The following LPP variants were observed in gnomAD, a reference collection of about 807,000 sequenced individuals.
LPP encodes LIM domain containing preferred translocation partner in lipoma.
In LPP, 38 loss-of-function variants were observed where a neutral mutation model predicts 60.4. The ratio of observed to expected loss-of-function variants is 0.63; its 90% CI spans 0.49 to 0.83. LPP has a LOEUF of 0.83. Ranked by LOEUF, LPP falls within the 40% of genes least tolerant of loss-of-function variation. The probability of loss-of-function intolerance (pLI) is 0.00; values close to 1 mark genes in which losing one functional copy is unlikely to be tolerated. For missense variants in LPP, 902 were observed against 783.6 expected, an observed-to-expected ratio of 1.15 and a Z score of -1.80; for synonymous variants, 328 against 290.8, an observed-to-expected ratio of 1.13 and a Z score of -1.30.
At chr3:188,207,342 C>T (rs1265970963) in intron 1 of LPP, among the ~76,000 whole-genome samples, 5 of 151,518 alleles carry the variant, frequency 3.3e-5, no homozygotes, top group Admixed American at 2.0e-4. Flanking sequence ...AGCCATTCTC[C>T]TGCCTCAGCC....
chr3:188,600,795 C>A (rs1314826102), intron 6 of LPP, among the ~76,000 whole-genome samples: 1 of 152,000 alleles, frequency 6.6e-6, no homozygotes, highest in Non-Finnish European at 1.5e-5. Flanking sequence ...ATATGTAGAA[C>A]CATATGGTAT....
At position 188,306,795 on chromosome 3, in the gene LPP, CTT is replaced by C. The variant is rs1474531961; in HGVS notation, c.-66-34866_-66-34865del. On this transcript the variant is annotated intron_variant, in intron 2 of 11. Transcript: ENST00000617246. ...TCATTGCCAGATTTTTATGTAAACT[CTT>C]TGGTTTTTAAAATGTTGGCAGCTCA... is the stretch of plus-strand genomic sequence containing the variant. Among the ~76,000 whole-genome samples the C allele has an allele frequency of 4.6e-5, 7 of 152,162 alleles. No individual in the cohort carries two copies. In the South Asian group the frequency reaches 1.0e-3, roughly 22 times the overall value.
intron 8 of LPP, among the ~76,000 whole-genome samples, chr3:188,749,376 A>G (rs1464693521): frequency 6.6e-6 from 1 of 152,120 alleles, no homozygotes; most frequent in African/African-American, 2.4e-5. Flanking sequence ...TTTGTTATAG[A>G]GTCTGTAAAT....
chr3:188,664,653 G>T (rs1449890472), intron 7 of LPP, among the ~76,000 whole-genome samples: 1 of 151,784 alleles, frequency 6.6e-6, no homozygotes, highest in Non-Finnish European at 1.5e-5. Context: ...AGAGAGAAGA[G>T]ATACATGGAC....
chr3:188,255,935 G>T (rs750796051), intron 2 of LPP, among the ~76,000 whole-genome samples: 120 of 152,212 alleles, frequency 7.9e-4, no homozygotes, highest in Middle Eastern at 6.8e-3. Flanking sequence ...ACTGGTTACC[G>T]TCATACCGTA....
At chr3:188,515,918 A>AT (rs1817236080) in intron 5 of LPP, among the ~76,000 whole-genome samples, 1 of 127,768 alleles carries the variant, frequency 7.8e-6, no homozygotes. Flanking sequence ...TGCAAGTGAT[A>AT]TTTTTCAGTA....
At chr3:188,312,140 TAC>T (rs895877665) in intron 2 of LPP, among the ~76,000 whole-genome samples, 35 of 149,778 alleles carry the variant, frequency 2.3e-4, no homozygotes, top group African/African-American at 1.5e-4. Context: ...AGCATGTGTA[TAC>T]ACACACACAC....
intron 8 of LPP, among the ~76,000 whole-genome samples, chr3:188,721,858 G>A (rs1042694930): frequency 2.0e-5 from 3 of 152,098 alleles, no homozygotes; most frequent in Non-Finnish European, 4.4e-5. Context: ...TGACATCTTA[G>A]GCCGGTTTCT....
chr3:188,866,339 A>G lies in LPP; in HGVS notation c.1550A>G (p.Asp517Gly). The change falls in exon 10 of 12, where the codon GAT becomes GGT. Residue 517 changes from aspartate (D) to glycine (G), a missense_variant. Physicochemically the swap from Asp to Gly is moderately conservative, Grantham distance 94. Transcript: ENST00000617246. ...CTGGATGGGATCCCATTCACTGTGG[A>G]TGCTGGCGGGCTCATTCACTGCATT... ...RSLDGIPFTV[D>G]AGGLIHCIED... is the part of the protein sequence containing the mutation. 6.4e-7 allele frequency: 1 copy of G among 1,572,654 alleles called. No homozygotes were observed. Among genetic ancestry groups the G allele is most frequent in the Non-Finnish European group, 8.6e-7 (1 of 1,157,876 alleles).
chr3:188,595,169 T>C (rs1017588990), intron 6 of LPP, among the ~76,000 whole-genome samples: 6 of 151,996 alleles, frequency 3.9e-5, no homozygotes, highest in Non-Finnish European at 2.9e-5. Context: ...ATCCCCTAAT[T>C]TTATAAAGAG....
At chr3:188,240,525 G>C (rs2149451034) in intron 2 of LPP, among the ~76,000 whole-genome samples, 1 of 152,196 alleles carries the variant, frequency 6.6e-6, no homozygotes, top group African/African-American at 2.4e-5. Flanking sequence ...TATTTTGTAG[G>C]GAAGGAAACT....
chr3:188,434,619 T>C (rs111442882), intron 4 of LPP, among the ~76,000 whole-genome samples: 2,333 of 152,340 alleles, frequency 0.015, 48 homozygotes, highest in African/African-American at 0.053. Context: ...CCTAAGAGTC[T>C]GTCCTGGTTT....
At position 188,875,858 on chromosome 3, in the gene LPP, A is replaced by G. The variant is rs1054185144; in HGVS notation, c.*1379A>G. 5.2e-6 allele frequency: 1 copy of G among 191,544 alleles called. No individual in the cohort carries two copies. The highest frequency in any genetic ancestry group is 1.1e-5 in the Non-Finnish European group (1 of 91,298). The allele number at this position is 191,544 out of a possible 1,614,324, so 11.9% of individuals were successfully genotyped here. A position where few individuals can be genotyped will look rare whatever the true frequency, so the allele number is the denominator to read the frequency against. The stretch of plus-strand genomic sequence containing the variant: ...ATGTTTCACTTAAGGAGAGACACCT[A>G]GCTTAGTCATGGCAAGTTGCCATTT... On this transcript the variant is annotated 3_prime_UTR_variant, in exon 12 of 12. Coordinates refer to ENST00000617246, the MANE Select transcript of LPP (RefSeq NM_001375462.1).
intron 1 of LPP, among the ~76,000 whole-genome samples, chr3:188,192,457 A>G (rs1216763763): frequency 5.3e-5 from 8 of 152,320 alleles, no homozygotes; most frequent in Non-Finnish European, 1.5e-5. Flanking sequence ...CCCACAGGGT[A>G]GGGGAAATAT....
chr3:188,737,539 T>A (rs188740064), intron 8 of LPP, among the ~76,000 whole-genome samples: 6 of 152,304 alleles, frequency 3.9e-5, no homozygotes, highest in Admixed American at 3.3e-4. Flanking sequence ...GGAAGAGAGC[T>A]AAGAAACTTC....
At chr3:188,801,463 T>G (rs183184560) in intron 9 of LPP, among the ~76,000 whole-genome samples, 32 of 152,280 alleles carry the variant, frequency 2.1e-4, no homozygotes, top group Non-Finnish European at 3.7e-4. Flanking sequence ...TGGTGTTTAT[T>G]TATTTATTAG....
chr3:188,694,575 G>T (rs184785523), intron 7 of LPP, among the ~76,000 whole-genome samples: 1 of 152,108 alleles, frequency 6.6e-6, no homozygotes, highest in African/African-American at 2.4e-5. Context: ...GGTGGCACAT[G>T]CCTGTAATCC....
At chr3:188,727,414 A>G (rs1461176528) in intron 8 of LPP, among the ~76,000 whole-genome samples, 2 of 152,188 alleles carry the variant, frequency 1.3e-5, no homozygotes, top group Non-Finnish European at 2.9e-5. Context: ...CACGGGTAAG[A>G]TATTCTGTGT....
In LPP at chr3:188,706,205, G is replaced by A. The variant is rs560459720; in HGVS notation, c.1114-2062G>A. On this transcript the variant is annotated intron_variant, in intron 7 of 11. Coordinates refer to ENST00000617246, the MANE Select transcript of LPP (RefSeq NM_001375462.1). ...TAATAAATAAGTCAGTCAAGGATGA[G>A]CTCTTGTCCTGACTTTATCAAAACT... Among the ~76,000 whole-genome samples, 3 of 152,312 alleles carry A rather than the reference G, an allele frequency of 2.0e-5. No individual in the cohort carries two copies. The South Asian group carries it at 6.2e-4, about 32-fold the overall frequency.
Sources: gnomAD v4.1 joint callset for allele counts (sites outside exome capture counted in the v4.1 genomes callset) on GRCh38, gnomAD v4.1.1 for gene constraint, MANE v1.5 for transcripts, NCBI Gene and HGNC (gene_info 2026-07-23, HGNC 2026-07-21) for gene names.